Variants in IL1R1 observed in about 807,000 individuals in gnomAD.
IL1R1 encodes the protein interleukin 1 receptor type 1, also known as interleukin-1 receptor type 1.
A neutral mutation model predicts 50.2 loss-of-function variants in IL1R1; 22 were observed. The ratio of observed to expected loss-of-function variants is 0.44; its 90% CI spans 0.31 to 0.63. The LOEUF (loss-of-function observed/expected upper bound fraction) is 0.63, where lower values mean the gene tolerates loss of function less well. IL1R1 is among the 20% of genes least tolerant of loss of function. IL1R1 has a pLI of 0.07. For synonymous variants in IL1R1, 251 were observed against 236.7 expected (o/e 1.06, Z -0.55); for missense variants, 509 against 676.2 (o/e 0.75, Z 2.74).
At chr2:102,160,243 T>C (rs1684594549) in intron 3 of IL1R1, among the ~76,000 whole-genome samples, 1 of 152,138 alleles carries the variant, frequency 6.6e-6, no homozygotes, top group Admixed American at 6.5e-5. Context: ...TTACAAATTA[T>C]TTAAAAAAGA....
chr2:102,090,329 A>C (rs895160865), intron 1 of IL1R1, among the ~76,000 whole-genome samples: 5 of 152,032 alleles, frequency 3.3e-5, no homozygotes, highest in African/African-American at 4.8e-5. Context: ...ACCAACTTGG[A>C]ATTTGCTAAG....
chr2:102,081,672 G>T (rs1035777835), intron 1 of IL1R1, among the ~76,000 whole-genome samples: 1 of 152,200 alleles, frequency 6.6e-6, no homozygotes, highest in East Asian at 1.9e-4. Context: ...AGGCGAAGGC[G>T]AATTAGGCCT....
chr2:102,147,299 T>C (rs150238163), intron 1 of IL1R1, among the ~76,000 whole-genome samples: 2,100 of 152,282 alleles, frequency 0.014, 40 homozygotes, highest in African/African-American at 0.048. Flanking sequence ...GTGAAAACAA[T>C]GTAACGATTC....
At chr2:102,072,955 G>C (rs1249324674) in intron 1 of IL1R1, among the ~76,000 whole-genome samples, 1 of 152,186 alleles carries the variant, frequency 6.6e-6, no homozygotes, top group Non-Finnish European at 1.5e-5. Context: ...TGAGTCAAAT[G>C]TAAACAGCTC....
chr2:102,150,294 C>A (rs1464455295), intron 1 of IL1R1, among the ~76,000 whole-genome samples: 1 of 152,134 alleles, frequency 6.6e-6, no homozygotes, highest in East Asian at 1.9e-4. Flanking sequence ...CGTGCGTGCA[C>A]TGGGTATGAA....
intron 1 of IL1R1, among the ~76,000 whole-genome samples, chr2:102,121,127 G>A (rs1428165952): frequency 6.6e-6 from 1 of 152,088 alleles, no homozygotes; most frequent in African/African-American, 2.4e-5. Flanking sequence ...CAATGGCCAC[G>A]CTGTGCCCTT....
intron 6 of IL1R1, among the ~76,000 whole-genome samples, 171 bp downstream of exon 6, chr2:102,166,452 G>A (rs547452478): frequency 6.6e-6 from 1 of 152,266 alleles, no homozygotes; most frequent in South Asian, 2.1e-4. Context: ...ACTATGTAAT[G>A]TTTTTCCATT....
intron 10 of IL1R1, among the ~76,000 whole-genome samples, chr2:102,175,089 G>A (rs1432324228): frequency 9.9e-6 from 1 of 100,514 alleles, no homozygotes; most frequent in Non-Finnish European, 1.8e-5. Context: ...ATGCATCAGG[G>A]AGGTTCTCTC....
chr2:102,072,160 T>C (rs1379215448), intron 1 of IL1R1, among the ~76,000 whole-genome samples: 1 of 150,762 alleles, frequency 6.6e-6, no homozygotes, highest in Non-Finnish European at 1.5e-5. Context: ...CTAGGGAGGC[T>C]GAAGCAGGAG....
chr2:102,072,423 T>A (rs1678772900), intron 1 of IL1R1, among the ~76,000 whole-genome samples: 1 of 152,206 alleles, frequency 6.6e-6, no homozygotes, highest in South Asian at 2.1e-4. Context: ...TTTTAATAGT[T>A]TACACTTGTA....
At chr2:102,153,251 C>T (rs996550079) in intron 1 of IL1R1, among the ~76,000 whole-genome samples, 1 of 152,114 alleles carries the variant, frequency 6.6e-6, no homozygotes. Context: ...TCTGTTTTCA[C>T]GGAGATGATG....
At position 102,142,828 on chromosome 2, in the gene IL1R1, C is replaced by T. The variant is rs1457120732; in HGVS notation, c.-276C>T. Reference sequence around the variant, plus strand: ...GCGCGCGGCGCCGGCCGGGAGGAGCCGGAGAGCGGCCGGGCCGGGCGGTGG... The same window carrying T: ...GCGCGCGGCGCCGGCCGGGAGGAGCTGGAGAGCGGCCGGGCCGGGCGGTGG... On this transcript the variant is annotated 5_prime_UTR_variant, in exon 1 of 12. Transcript: ENST00000410023. 2.7e-5 allele frequency: 4 copies of T among 147,854 alleles called. No homozygotes were observed. The highest frequency in any genetic ancestry group is 4.2e-4 in the South Asian group (2 of 4,814). 9.2% of individuals were successfully genotyped at this position (147,854 alleles called of 1,614,324 possible). A position where few individuals can be genotyped will look rare whatever the true frequency, so the allele number is the denominator to read the frequency against.
At chr2:102,132,715 G>T (rs1276780167) in intron 1 of IL1R1, among the ~76,000 whole-genome samples, 1 of 152,124 alleles carries the variant, frequency 6.6e-6, no homozygotes, top group Non-Finnish European at 1.5e-5. Context: ...TGGATTGACT[G>T]TGGATTAAAA....
At chr2:102,157,967 C>T (rs1684349172) in intron 3 of IL1R1, among the ~76,000 whole-genome samples, 182 bp downstream of exon 3, 1 of 152,248 alleles carries the variant, frequency 6.6e-6, no homozygotes, top group African/African-American at 2.4e-5. Flanking sequence ...GTCTCATTCT[C>T]TCCCATATAG....
In IL1R1 at chr2:102,168,586, T is replaced by C. The variant is rs970815613; in HGVS notation, c.656-12T>C. On this transcript the variant is annotated splice_polypyrimidine_tract_variant and intron_variant, in intron 6 of 11. Transcript: ENST00000410023. ...AAGAGACTGACAAACCTTATGGATG[T>C]TTTTCTTTCAGAGGAAAACAAACCC... is the stretch of plus-strand genomic sequence containing the variant. 6.2e-7 allele frequency: 1 copy of C among 1,611,488 alleles called. No individual in the cohort carries two copies. The highest frequency in any genetic ancestry group is 1.1e-5 in the South Asian group (1 of 91,010).
At chr2:102,074,713 T>C (rs1390427989) in intron 1 of IL1R1, among the ~76,000 whole-genome samples, 1 of 152,226 alleles carries the variant, frequency 6.6e-6, no homozygotes, top group African/African-American at 2.4e-5. Context: ...CTCATTGACC[T>C]TCTGCTAAGT....
chr2:102,161,763 G>A (rs3917261), intron 3 of IL1R1, among the ~76,000 whole-genome samples: 1,930 of 152,040 alleles, frequency 0.013, 53 homozygotes, highest in South Asian at 0.12. Flanking sequence ...GCAGTGGTGC[G>A]ATCTCGGCTC....
In IL1R1 at chr2:102,177,844, C is replaced by G. The variant is rs1686269830; in HGVS notation, c.*1085C>G. On this transcript the variant is annotated 3_prime_UTR_variant, in exon 12 of 12. Transcript: ENST00000410023. Reference sequence around the variant, plus strand: ...TCCGTCTGCAATGTCCCTTGCACAGCCCACACATGAACCATCCTTCCCATG... The same window carrying G: ...TCCGTCTGCAATGTCCCTTGCACAGGCCACACATGAACCATCCTTCCCATG... 6.6e-6 allele frequency: 1 copy of G among 152,632 alleles called. No homozygotes were observed. Among genetic ancestry groups the G allele is most frequent in the Non-Finnish European group, 1.5e-5 (1 of 68,296 alleles). 9.5% of individuals were successfully genotyped at this position (152,632 alleles called of 1,614,324 possible).
chr2:102,084,361 AAAAT>A (rs1024921941), intron 1 of IL1R1, among the ~76,000 whole-genome samples: 2 of 152,228 alleles, frequency 1.3e-5, no homozygotes, highest in Non-Finnish European at 2.9e-5. Flanking sequence ...ATCAATAACT[AAAAT>A]AAATACACAC....
Sources: gnomAD v4.1 joint callset for allele counts (sites outside exome capture counted in the v4.1 genomes callset) on GRCh38, gnomAD v4.1.1 for gene constraint, MANE v1.5 for transcripts, NCBI Gene and HGNC (gene_info 2026-07-23, HGNC 2026-07-21) for gene names.